The following ABTB2 variants were observed in gnomAD, a reference collection of about 807,000 sequenced individuals.
ABTB2 encodes ankyrin repeat and BTB/POZ domain-containing protein 2.
Under a neutral mutation model 104.1 loss-of-function variants are expected in ABTB2, and 56 were observed. The observed-to-expected ratio is 0.54, with a 90% confidence interval of 0.43 to 0.67. The LOEUF (loss-of-function observed/expected upper bound fraction) is 0.67, where lower values mean the gene tolerates loss of function less well. Among genes scored for constraint, ABTB2 ranks in the 30% least tolerant of loss-of-function variants. The pLI, the probability that ABTB2 is intolerant of heterozygous loss-of-function variation, is 0.00. For missense variants in ABTB2, 1,279 were observed against 1,407.7 expected (o/e 0.91, Z 1.46); for synonymous variants, 606 against 608.2 (o/e 1.00, Z 0.05).
rs115768730 is a variant in ABTB2 at position 34,151,841 on chromosome 11, C to G, written c.*546G>C. The G allele has an allele frequency of 9.0e-3, 1,381 of 154,056 alleles. 21 individuals are homozygous for G. The highest frequency in any genetic ancestry group is 0.031 in the African/African-American group (1,292 of 41,568). 9.5% of individuals were successfully genotyped at this position (154,056 alleles called of 1,614,324 possible). On this transcript the variant is annotated 3_prime_UTR_variant, in exon 17 of 17. Coordinates refer to ENST00000435224, the MANE Select transcript of ABTB2 (RefSeq NM_145804.3). ...CAGGCCACTGGATGCCCACATTAAG[C>G]CTGTCAAACCTTTGAAGAACAAGTT...
intron 1 of ABTB2, among the ~76,000 whole-genome samples, chr11:34,338,316 G>A (rs1375644223): frequency 3.3e-5 from 5 of 151,926 alleles, no homozygotes; most frequent in African/African-American, 9.7e-5. Flanking sequence ...AGGAGATGGA[G>A]GTTGCAATGA....
intron 1 of ABTB2, among the ~76,000 whole-genome samples, chr11:34,221,211 T>G (rs1404514872): frequency 6.6e-6 from 1 of 152,196 alleles, no homozygotes; most frequent in East Asian, 1.9e-4. Flanking sequence ...GGCCTCGTGA[T>G]CCACCTGCCT....
intron 1 of ABTB2, among the ~76,000 whole-genome samples, chr11:34,245,544 C>A (rs571931232): frequency 1.2e-4 from 18 of 152,296 alleles, no homozygotes; most frequent in Admixed American, 6.5e-4. Context: ...CTGGGTCTGG[C>A]ATAGCAATTG....
At chr11:34,312,149 AAAAAAAG>A (rs1246376833) in intron 1 of ABTB2, among the ~76,000 whole-genome samples, 28 of 151,990 alleles carry the variant, frequency 1.8e-4, no homozygotes, top group African/African-American at 6.0e-4. Context: ...TCAAAAAAAA[AAAAAAAG>A]AAAAAGAAAA....
intron 1 of ABTB2, among the ~76,000 whole-genome samples, chr11:34,215,661 C>A (rs1372569988): frequency 6.6e-6 from 1 of 152,184 alleles, no homozygotes; most frequent in Non-Finnish European, 1.5e-5. Context: ...CTCTGAGCCA[C>A]AATTTGTTTC....
rs761495117 is a variant in ABTB2 at position 34,197,349 on chromosome 11, G to A, written c.1220C>T (p.Pro407Leu). The change falls in exon 3 of 17, where the codon CCG (proline) becomes CTG (leucine). Residue 407 changes from proline to leucine, a missense_variant. Coordinates refer to ENST00000435224, the MANE Select transcript of ABTB2 (RefSeq NM_145804.3). ...ESMENPNLDP[P>L]RMTLNNERPF... is the part of the protein sequence containing the mutation. Reference sequence around the variant, plus strand: ...CCGTTCATTGTTCAAGGTCATTCTCGGGGGGTCCAGGTTGGGGTTCTCCAT... The same window carrying A: ...CCGTTCATTGTTCAAGGTCATTCTCAGGGGGTCCAGGTTGGGGTTCTCCAT... 5 of 1,613,840 alleles carry A rather than the reference G, an allele frequency of 3.1e-6. No individual in the cohort carries two copies. Among genetic ancestry groups the A allele is most frequent in the African/African-American group, 2.7e-5 (2 of 74,910 alleles).
At chr11:34,353,283 A>C (rs550291308) in intron 1 of ABTB2, among the ~76,000 whole-genome samples, 11 of 152,308 alleles carry the variant, frequency 7.2e-5, no homozygotes, top group African/African-American at 2.4e-4. Context: ...AGACACTCAC[A>C]AAAGCTTAGT....
At chr11:34,337,446 C>A (rs1280023738) in intron 1 of ABTB2, among the ~76,000 whole-genome samples, 1 of 152,194 alleles carries the variant, frequency 6.6e-6, no homozygotes, top group African/African-American at 2.4e-5. Flanking sequence ...GCAGCTTTCT[C>A]AAAAAATTCT....
At chr11:34,188,818 T>A (rs546853460) in intron 3 of ABTB2, among the ~76,000 whole-genome samples, 1 of 152,324 alleles carries the variant, frequency 6.6e-6, no homozygotes, top group South Asian at 2.1e-4. Flanking sequence ...AGCCTATCTG[T>A]GGGCATGTCC....
chr11:34,320,056 A>G (rs1854982913), intron 1 of ABTB2, among the ~76,000 whole-genome samples: 1 of 152,202 alleles, frequency 6.6e-6, no homozygotes, highest in Non-Finnish European at 1.5e-5. Context: ...GCCACTTTTT[A>G]GAGAGCAGGT....
chr11:34,239,405 C>T (rs570724981), intron 1 of ABTB2, among the ~76,000 whole-genome samples: 1 of 152,068 alleles, frequency 6.6e-6, no homozygotes, highest in Non-Finnish European at 1.5e-5. Context: ...ATTATGATCA[C>T]GGTTTACCTC....
At chr11:34,283,713 T>C (rs1424959860) in intron 1 of ABTB2, among the ~76,000 whole-genome samples, 1 of 152,196 alleles carries the variant, frequency 6.6e-6, no homozygotes, top group African/African-American at 2.4e-5. Flanking sequence ...AAGGTGACCG[T>C]TGAGGATACT....
chr11:34,260,311 A>C (rs1175098591), intron 1 of ABTB2, among the ~76,000 whole-genome samples: 3 of 152,224 alleles, frequency 2.0e-5, no homozygotes, highest in Non-Finnish European at 4.4e-5. Flanking sequence ...GCTGAATACA[A>C]AATGAAGATT....
intron 1 of ABTB2, among the ~76,000 whole-genome samples, chr11:34,345,173 T>C (rs1193304703): frequency 6.6e-6 from 1 of 152,202 alleles, no homozygotes; most frequent in African/African-American, 2.4e-5. Flanking sequence ...CCCAATGGCC[T>C]ACCCCACTAA....
chr11:34,308,073 T>C (rs887903963), intron 1 of ABTB2, among the ~76,000 whole-genome samples: 2 of 152,170 alleles, frequency 1.3e-5, no homozygotes, highest in Non-Finnish European at 2.9e-5. Flanking sequence ...GCAAGTTACT[T>C]CACTTCTCTG....
At chr11:34,268,762 C>T (rs756730566) in intron 1 of ABTB2, among the ~76,000 whole-genome samples, 4 of 151,906 alleles carry the variant, frequency 2.6e-5, no homozygotes, top group Admixed American at 6.6e-5. Flanking sequence ...GTAAGTTTTC[C>T]GTTGCCTCCT....
intron 1 of ABTB2, among the ~76,000 whole-genome samples, chr11:34,344,855 C>T (rs2133125542): frequency 6.6e-6 from 1 of 152,282 alleles, no homozygotes; most frequent in Non-Finnish European, 1.5e-5. Flanking sequence ...GCACTAGGAT[C>T]TTTGGTGCAG....
chr11:34,347,618 T>G (rs1212592956), intron 1 of ABTB2, among the ~76,000 whole-genome samples: 1 of 152,188 alleles, frequency 6.6e-6, no homozygotes, highest in Non-Finnish European at 1.5e-5. Context: ...AGTTATTAGC[T>G]AAGCCATTGA....
At chr11:34,235,629 A>T (rs1468411001) in intron 1 of ABTB2, among the ~76,000 whole-genome samples, 1 of 152,140 alleles carries the variant, frequency 6.6e-6, no homozygotes, top group Non-Finnish European at 1.5e-5. Context: ...CACCTTCCTA[A>T]GAGGATTTGC....
Sources: allele counts gnomAD v4.1 joint callset (sites outside exome capture counted in the v4.1 genomes callset), GRCh38; gene constraint gnomAD v4.1.1; transcripts MANE v1.5; gene names NCBI Gene and HGNC (gene_info 2026-07-23, HGNC 2026-07-21).